The following ULK4 variants were observed in gnomAD, a reference collection of about 807,000 sequenced individuals.
ULK4 encodes unc-51 like kinase 4.
In ULK4, 133 loss-of-function variants were observed where a neutral mutation model predicts 160.6. The observed-to-expected ratio is 0.83, with a 90% CI of 0.72 to 0.96. The LOEUF is 0.96. ULK4 is among the 40% of genes least tolerant of loss of function. The pLI is 0.00. For missense variants in ULK4, 1,580 were observed against 1,499.5 expected (o/e 1.05, Z -0.89); for synonymous variants, 534 against 539.8 (o/e 0.99, Z 0.15).
intron 2 of ULK4, among the ~76,000 whole-genome samples, chr3:41,949,192 G>A (rs1356349000): frequency 1.3e-5 from 2 of 151,600 alleles, no homozygotes; most frequent in Non-Finnish European, 2.9e-5. Context: ...ACCTGAAATC[G>A]CAGCTACTCG....
intron 2 of ULK4, among the ~76,000 whole-genome samples, chr3:41,949,930 T>C (rs1474505977): frequency 6.6e-6 from 1 of 151,540 alleles, no homozygotes; most frequent in Non-Finnish European, 1.5e-5. Flanking sequence ...GAGACAAGGT[T>C]TCACCATGTT....
At chr3:41,831,531 A>ATATATATATATTTTTT in intron 18 of ULK4, among the ~76,000 whole-genome samples, 3 of 138,128 alleles carry the variant, frequency 2.2e-5, no homozygotes, top group East Asian at 4.2e-4. Context: ...ATATATATAT[A>ATATATATATATTTTTT]TTTTTTTTTC....
intron 35 of ULK4, among the ~76,000 whole-genome samples, chr3:41,309,229 T>G (rs887830106): frequency 7.2e-5 from 11 of 151,914 alleles, no homozygotes; most frequent in African/African-American, 2.7e-4. Context: ...AAGCAATATT[T>G]TGCTACAGGA....
At chr3:41,826,114 G>C (rs1260917521) in intron 18 of ULK4, among the ~76,000 whole-genome samples, 2 of 152,144 alleles carry the variant, frequency 1.3e-5, no homozygotes, top group South Asian at 2.1e-4. Flanking sequence ...AATTTTGACA[G>C]ATTTTGACAC....
At chr3:41,718,353 C>T (rs1473247741) in intron 22 of ULK4, among the ~76,000 whole-genome samples, 1 of 152,136 alleles carries the variant, frequency 6.6e-6, no homozygotes, top group African/African-American at 2.4e-5. Flanking sequence ...CTGGCTTTTA[C>T]GTGTCTCTTT....
At chr3:41,290,705 C>T (rs1324666526) in intron 35 of ULK4, among the ~76,000 whole-genome samples, 1 of 152,204 alleles carries the variant, frequency 6.6e-6, no homozygotes, top group Non-Finnish European at 1.5e-5. Context: ...ATTATTTGAA[C>T]TCCTCTAGGT....
intron 32 of ULK4, among the ~76,000 whole-genome samples, chr3:41,491,553 T>C (rs2084765067): frequency 1.3e-5 from 2 of 152,064 alleles, no homozygotes; most frequent in Admixed American, 1.3e-4. Context: ...AAAGATGAAA[T>C]ATTCAGTTAA....
intron 35 of ULK4, among the ~76,000 whole-genome samples, chr3:41,267,925 C>A (rs1304203622): frequency 6.6e-6 from 1 of 152,164 alleles, no homozygotes; most frequent in African/African-American, 2.4e-5. Context: ...ATTGAGAGAG[C>A]CCGTGAAATA....
At position 41,615,660 on chromosome 3, in the gene ULK4, C is replaced by T. The variant is rs373699320; in HGVS notation, c.3120+9G>A. ...CATTTGAATTTCAAATGCACATTTC[C>T]GTTCTTACCAGAGTTACTTCAAAAA... On this transcript the variant is annotated intron_variant, in intron 31 of 36. Coordinates refer to ENST00000301831, the MANE Select transcript of ULK4 (RefSeq NM_017886.4). The T allele has an allele frequency of 3.1e-5, 50 of 1,612,230 alleles. No homozygotes were observed. Among genetic ancestry groups the T allele is most frequent in the Middle Eastern group, 1.7e-4 (1 of 6,034 alleles).
chr3:41,306,771 C>T lies in ULK4; in HGVS notation c.3679-57197G>A, dbSNP rs1393235835. Reference sequence around the variant, plus strand: ...CCGTGTCTGTGTAGAAAGAAGTAAACATGGGAGACTTTTCATTTTGTTCTG... The same window carrying T: ...CCGTGTCTGTGTAGAAAGAAGTAAATATGGGAGACTTTTCATTTTGTTCTG... On this transcript the variant is annotated intron_variant, in intron 35 of 36. Coordinates refer to ENST00000301831, the MANE Select transcript of ULK4 (RefSeq NM_017886.4). Among the ~76,000 whole-genome samples, 4 of 151,744 alleles carry T rather than the reference C, an allele frequency of 2.6e-5. No individual in the cohort carries two copies. The South Asian group carries it at 8.4e-4, about 32-fold the overall frequency.
chr3:41,728,976 C>G (rs555355219), intron 22 of ULK4, among the ~76,000 whole-genome samples: 1 of 152,218 alleles, frequency 6.6e-6, no homozygotes, highest in South Asian at 2.1e-4. Context: ...TAGTTTTACA[C>G]TGATGTCACC....
At chr3:41,694,575 G>A (rs1040603543) in intron 27 of ULK4, among the ~76,000 whole-genome samples, 4 of 152,124 alleles carry the variant, frequency 2.6e-5, no homozygotes, top group Non-Finnish European at 4.4e-5. Flanking sequence ...CTCAGTATCT[G>A]AGAGAGATTG....
intron 35 of ULK4, among the ~76,000 whole-genome samples, chr3:41,291,036 G>A (rs1439949168): frequency 6.6e-6 from 1 of 152,164 alleles, no homozygotes; most frequent in African/African-American, 2.4e-5. Flanking sequence ...CAGTGGTACA[G>A]GCAGATGGGA....
At chr3:41,312,138 C>T (rs1460986806) in intron 35 of ULK4, among the ~76,000 whole-genome samples, 1 of 151,858 alleles carries the variant, frequency 6.6e-6, no homozygotes, top group Non-Finnish European at 1.5e-5. Flanking sequence ...CCAAACATGG[C>T]TAATTTTTAG....
At chr3:41,513,929 C>G (rs1288398484) in intron 32 of ULK4, among the ~76,000 whole-genome samples, 2 of 152,098 alleles carry the variant, frequency 1.3e-5, no homozygotes, top group East Asian at 3.9e-4. Flanking sequence ...ATTCATGTTA[C>G]CAAGCACCAC....
chr3:41,864,050 T>C (rs1280783242), intron 17 of ULK4, among the ~76,000 whole-genome samples: 1 of 152,006 alleles, frequency 6.6e-6, no homozygotes, highest in Non-Finnish European at 1.5e-5. Flanking sequence ...TAGACTGCCT[T>C]TCAAAGGCAG....
chr3:41,842,660 G>C (rs903839123), intron 17 of ULK4, among the ~76,000 whole-genome samples: 5 of 152,174 alleles, frequency 3.3e-5, no homozygotes, highest in Non-Finnish European at 7.3e-5. Flanking sequence ...GCCATGAGTG[G>C]AAACAGCCTG....
At chr3:41,853,716 A>T (rs1372125734) in intron 17 of ULK4, among the ~76,000 whole-genome samples, 1 of 152,114 alleles carries the variant, frequency 6.6e-6, no homozygotes, top group African/African-American at 2.4e-5. Context: ...TGGACGAGAG[A>T]CTGATTTCAG....
chr3:41,321,146 T>G (rs2080237834), intron 35 of ULK4, among the ~76,000 whole-genome samples: 1 of 152,078 alleles, frequency 6.6e-6, no homozygotes, highest in African/African-American at 2.4e-5. Context: ...ACATTTCTAT[T>G]AACGACCTCA....
Sources: allele counts gnomAD v4.1 joint callset (sites outside exome capture counted in the v4.1 genomes callset), GRCh38; gene constraint gnomAD v4.1.1; transcripts MANE v1.5; gene names NCBI Gene and HGNC (gene_info 2026-07-23, HGNC 2026-07-21).